Variants in EPM2A observed in about 807,000 individuals in gnomAD.
The protein encoded by EPM2A is EPM2A glucan phosphatase, laforin.
In EPM2A, 21 loss-of-function variants were observed where a neutral mutation model predicts 26.5. The observed-to-expected ratio is 0.79, with a 90% CI of 0.56 to 1.14. The LOEUF is 1.14. Among genes scored for constraint, EPM2A ranks in the 50% most tolerant of loss-of-function variants. The probability of loss-of-function intolerance (pLI) is 0.00; values close to 1 mark genes in which losing one functional copy is unlikely to be tolerated. For synonymous variants in EPM2A, 217 were observed against 177.6 expected (o/e 1.22, Z -1.76); for missense variants, 458 against 440.8 (o/e 1.04, Z -0.35).
intron 4 of EPM2A, among the ~76,000 whole-genome samples, chr6:145,440,452 T>C (rs1779047496): frequency 3.3e-5 from 5 of 152,156 alleles, no homozygotes; most frequent in Admixed American, 2.6e-4. Context: ...CCAAATCTCA[T>C]GTTCTCACAT....
intron 4 of EPM2A, among the ~76,000 whole-genome samples, chr6:145,487,794 T>G (rs371657388): frequency 6.9e-4 from 105 of 152,292 alleles, no homozygotes; most frequent in African/African-American, 2.4e-3. Context: ...GATAGTTTCT[T>G]TGGCTGTGCA....
intron 2 of EPM2A, chr6:145,684,782 A>C (rs1332123626): frequency 7.8e-6 from 1 of 128,846 alleles, no homozygotes; most frequent in East Asian, 2.5e-4. Flanking sequence ...AGTCTTCCCC[A>C]TCTCAGTAAG....
chr6:145,716,372 A>G (rs140666432), intron 1 of EPM2A, among the ~76,000 whole-genome samples: 2 of 152,356 alleles, frequency 1.3e-5, no homozygotes, highest in Non-Finnish European at 2.9e-5. Context: ...CAGGTCTGTG[A>G]TTTAAAAAGC....
chr6:145,413,180 G>T (rs1449463988), intron 4 of EPM2A, among the ~76,000 whole-genome samples: 1 of 152,212 alleles, frequency 6.6e-6, no homozygotes, highest in Non-Finnish European at 1.5e-5. Flanking sequence ...TAAGTAAAAT[G>T]ATGTTGTTAA....
At chr6:145,649,389 G>C (rs1380379408) in intron 2 of EPM2A, among the ~76,000 whole-genome samples, 3 of 152,188 alleles carry the variant, frequency 2.0e-5, no homozygotes, top group African/African-American at 7.2e-5. Flanking sequence ...GAATGGTTCT[G>C]AGCGCTTAGC....
intron 4 of EPM2A, among the ~76,000 whole-genome samples, chr6:145,446,901 T>C (rs573789081): frequency 6.6e-6 from 1 of 152,274 alleles, no homozygotes; most frequent in African/African-American, 2.4e-5. Flanking sequence ...GATGCTTTCA[T>C]ATAGTTGTCC....
At chr6:145,731,693 T>C (rs539873909) in intron 1 of EPM2A, among the ~76,000 whole-genome samples, 6 of 152,282 alleles carry the variant, frequency 3.9e-5, no homozygotes, top group African/African-American at 1.4e-4. Context: ...CCATGGCACA[T>C]GTATAATACT....
At chr6:145,612,254 T>G (rs870491) in intron 2 of EPM2A, among the ~76,000 whole-genome samples, 70,942 of 151,946 alleles carry the variant, frequency 0.47, 17,209 homozygotes, top group African/African-American at 0.58. Flanking sequence ...AATTAGATTT[T>G]GCATTTTATA....
intron 2 of EPM2A, among the ~76,000 whole-genome samples, chr6:145,583,582 CG>C (rs948311574): frequency 2.0e-5 from 3 of 152,084 alleles, no homozygotes; most frequent in African/African-American, 7.2e-5. Flanking sequence ...CAATGGCGGG[CG>C]GGGTGGGGTG....
chr6:145,490,029 C>A (rs925763949), intron 4 of EPM2A: 10 of 1,341,038 alleles, frequency 7.5e-6, no homozygotes, highest in Non-Finnish European at 1.0e-5. Flanking sequence ...GTCACTTGTG[C>A]TGAATCCACA....
rs1482122242 is a variant in EPM2A at position 145,681,330 on chromosome 6, C to A, written c.476+4792G>T. Among the ~76,000 whole-genome samples, 6 of 150,856 alleles carry A rather than the reference C, an allele frequency of 4.0e-5. No homozygotes were observed. In the East Asian group the frequency reaches 1.2e-3, roughly 30 times the overall value. The stretch of plus-strand genomic sequence containing the variant: ...TGAGTAGGTTGCAAAAATTTTCTCC[C>A]ATTCTGTAGGTTGCCTGTTCACTCT... On this transcript the variant is annotated intron_variant, in intron 2 of 3. Coordinates refer to ENST00000367519, the MANE Select transcript of EPM2A (RefSeq NM_005670.4).
chr6:145,521,587 G>C (rs1780202770), intron 2 of EPM2A, among the ~76,000 whole-genome samples: 1 of 152,222 alleles, frequency 6.6e-6, no homozygotes, highest in South Asian at 2.1e-4. Context: ...CAAATGATTA[G>C]ATTATTTGAC....
chr6:145,505,164 G>A (rs1312404560), intron 2 of EPM2A, among the ~76,000 whole-genome samples: 1 of 147,796 alleles, frequency 6.8e-6, no homozygotes, highest in Non-Finnish European at 1.5e-5. Context: ...GTTAGTGGGT[G>A]CAGTGCACCA....
At chr6:145,685,920 G>T (rs1780868243) in intron 2 of EPM2A, among the ~76,000 whole-genome samples, 1 of 152,098 alleles carries the variant, frequency 6.6e-6, no homozygotes, top group African/African-American at 2.4e-5. Flanking sequence ...ATTTATTAAA[G>T]AATTCTATTT....
At chr6:145,474,461 C>CA (rs1249427158) in intron 4 of EPM2A, among the ~76,000 whole-genome samples, 2 of 151,704 alleles carry the variant, frequency 1.3e-5, no homozygotes, top group Non-Finnish European at 2.9e-5. Flanking sequence ...GACTCCATCT[C>CA]AAAAAAACTA....
upstream of EPM2A, chr6:145,735,579 C>A: frequency 9.1e-7 from 1 of 1,095,774 alleles, no homozygotes. Context: ...GCGGCCGCAG[C>A]GATTGGGCGG....
At chr6:145,490,761 C>T (rs114595372) in intron 4 of EPM2A, 1 of 561,856 alleles carries the variant, frequency 1.8e-6, no homozygotes, top group Non-Finnish European at 3.5e-6. Flanking sequence ...AAGGTTGTCA[C>T]ATGTGACAAC....
At chr6:145,590,395 C>A (rs1781256598) in intron 2 of EPM2A, among the ~76,000 whole-genome samples, 2 of 151,866 alleles carry the variant, frequency 1.3e-5, no homozygotes, top group South Asian at 4.2e-4. Flanking sequence ...CCTCCAGCAC[C>A]CTCTAGCCTT....
intron 2 of EPM2A, among the ~76,000 whole-genome samples, chr6:145,616,764 A>G (rs1431270766): frequency 6.6e-6 from 1 of 152,182 alleles, no homozygotes; most frequent in Non-Finnish European, 1.5e-5. Flanking sequence ...TTAAGATTTG[A>G]CTGTCCCACT....
Sources: allele counts gnomAD v4.1 joint callset (sites outside exome capture counted in the v4.1 genomes callset), GRCh38; gene constraint gnomAD v4.1.1; transcripts MANE v1.5; gene names NCBI Gene and HGNC (gene_info 2026-07-23, HGNC 2026-07-21).